The following TAS2R1 variants were observed in gnomAD, a reference collection of about 807,000 sequenced individuals.
TAS2R1 encodes taste receptor type 2 member 1.
For synonymous variants in TAS2R1, 141 were observed against 134.2 expected (o/e 1.05, Z -0.35); for missense variants, 370 against 353.4 (o/e 1.05, Z -0.38).
At chr5:9,689,857 CTCAGTAGT>C (rs1004320307) in intron 1 of TAS2R1, among the ~76,000 whole-genome samples, 29 of 152,246 alleles carry the variant, frequency 1.9e-4, no homozygotes, top group African/African-American at 6.5e-4. Flanking sequence ...TCTCTTTATT[CTCAGTAGT>C]TCACATATCC....
the TAS2R1 span, among the ~76,000 whole-genome samples, chr5:9,829,770 T>G: frequency 1.3e-5 from 2 of 151,986 alleles, no homozygotes; most frequent in Non-Finnish European, 2.9e-5. Flanking sequence ...CAGAGGAGCA[T>G]TCCTCCAGAG....
At chr5:9,655,978 T>C (rs1240582486) in intron 2 of TAS2R1, among the ~76,000 whole-genome samples, 1 of 152,114 alleles carries the variant, frequency 6.6e-6, no homozygotes, top group Non-Finnish European at 1.5e-5. Context: ...CTCAGGTAGC[T>C]TCCCCTGACT....
In TAS2R1 at chr5:9,654,278, T is replaced by G. The variant is rs544831922; in HGVS notation, c.-81+5143A>C. ...ACCTAGTGCTTTTTTAAAATAATAA[T>G]AATAAGAAGAAGAATAAGAATATTT... On this transcript the variant is annotated intron_variant, in intron 2 of 2. Transcript: ENST00000506620. 5.9e-4 allele frequency among the ~76,000 whole-genome samples: 90 copies of G among 152,224 alleles called. 1 individual carries two copies. The highest frequency in any genetic ancestry group is 1.9e-3 in the South Asian group (9 of 4,826).
At chr5:9,880,006 A>G in the TAS2R1 span, among the ~76,000 whole-genome samples, 3 of 152,176 alleles carry the variant, frequency 2.0e-5, no homozygotes, top group South Asian at 2.1e-4. Context: ...TATCAGCAAT[A>G]AAGACAAGGT....
At chr5:9,707,800 G>A (rs1357572775) in intron 1 of TAS2R1, among the ~76,000 whole-genome samples, 3 of 152,086 alleles carry the variant, frequency 2.0e-5, no homozygotes, top group African/African-American at 4.8e-5. Flanking sequence ...AGGGAGGGAG[G>A]TGGTGCGAAA....
chr5:9,864,091 ACTT>A, the TAS2R1 span, among the ~76,000 whole-genome samples: 2 of 152,220 alleles, frequency 1.3e-5, no homozygotes, highest in South Asian at 4.1e-4. Context: ...AAGAATGGCT[ACTT>A]CTTCTGGGGT....
the TAS2R1 span, among the ~76,000 whole-genome samples, chr5:9,779,597 T>A: frequency 6.6e-6 from 1 of 152,146 alleles, no homozygotes; most frequent in Non-Finnish European, 1.5e-5. Flanking sequence ...AGTGGAGAAA[T>A]CAGAACACAC....
At chr5:9,861,037 GTT>G in the TAS2R1 span, among the ~76,000 whole-genome samples, 4 of 88,618 alleles carry the variant, frequency 4.5e-5, no homozygotes, top group African/African-American at 8.5e-5. Context: ...GGAAGATGAG[GTT>G]TTTTTTTTTT....
At chr5:9,719,946 A>G in the TAS2R1 span, among the ~76,000 whole-genome samples, 1 of 144,586 alleles carries the variant, frequency 6.9e-6, no homozygotes, top group African/African-American at 2.8e-5. Flanking sequence ...AAACAAAAAC[A>G]AAAACAAACT....
chr5:9,725,549 T>TC, the TAS2R1 span, among the ~76,000 whole-genome samples: 2 of 152,178 alleles, frequency 1.3e-5, no homozygotes, highest in Non-Finnish European at 2.9e-5. Flanking sequence ...CTTAGCTGCC[T>TC]CCCCACGGGG....
At chr5:9,655,756 TAA>T (rs1187596660) in intron 2 of TAS2R1, among the ~76,000 whole-genome samples, 2 of 151,672 alleles carry the variant, frequency 1.3e-5, no homozygotes, top group East Asian at 3.9e-4. Context: ...ATAAGTGTCT[TAA>T]AGTGTCTAGA....
At chr5:9,787,388 A>AT in the TAS2R1 span, among the ~76,000 whole-genome samples, 3 of 152,098 alleles carry the variant, frequency 2.0e-5, no homozygotes, top group African/African-American at 7.2e-5. Flanking sequence ...ATGTGTCTCC[A>AT]TTTTTTCTTT....
intron 1 of TAS2R1, among the ~76,000 whole-genome samples, chr5:9,664,722 TC>T (rs1740598877): frequency 6.6e-6 from 1 of 152,118 alleles, no homozygotes; most frequent in African/African-American, 2.4e-5. Flanking sequence ...CTCAGCCTAT[TC>T]CTTGAAGTTC....
chr5:9,787,208 AT>A, the TAS2R1 span, among the ~76,000 whole-genome samples: 6 of 152,214 alleles, frequency 3.9e-5, no homozygotes, highest in Admixed American at 6.5e-5. Context: ...ATTAGGAAGT[AT>A]GTATCAGCTT....
At chr5:9,822,314 T>G in the TAS2R1 span, among the ~76,000 whole-genome samples, 2 of 152,182 alleles carry the variant, frequency 1.3e-5, no homozygotes, top group East Asian at 3.9e-4. Flanking sequence ...TTTGTTCTTT[T>G]CTTTCATAAT....
chr5:9,753,820 C>G, the TAS2R1 span, among the ~76,000 whole-genome samples: 1 of 152,160 alleles, frequency 6.6e-6, no homozygotes, highest in African/African-American at 2.4e-5. Context: ...TTCTCCATTT[C>G]TTGTTTTTGT....
chr5:9,892,784 T>C, the TAS2R1 span, among the ~76,000 whole-genome samples: 1 of 152,196 alleles, frequency 6.6e-6, no homozygotes, highest in African/African-American at 2.4e-5. Flanking sequence ...AAGCAGGCTA[T>C]GAGTCAAGTA....
At chr5:9,794,198 A>G in the TAS2R1 span, among the ~76,000 whole-genome samples, 69 of 152,256 alleles carry the variant, frequency 4.5e-4, no homozygotes, top group African/African-American at 1.6e-3. Flanking sequence ...GGGTTTTAAA[A>G]TTTTTTAGTT....
intron 1 of TAS2R1, among the ~76,000 whole-genome samples, chr5:9,700,732 C>T (rs1187835001): frequency 6.6e-6 from 1 of 152,028 alleles, no homozygotes; most frequent in African/African-American, 2.4e-5. Context: ...TCTGTTTTCT[C>T]TGTGGACTCT....
Sources: gnomAD v4.1 joint callset for allele counts (sites outside exome capture counted in the v4.1 genomes callset) on GRCh38, gnomAD v4.1.1 for gene constraint, MANE v1.5 for transcripts, NCBI Gene and HGNC (gene_info 2026-07-23, HGNC 2026-07-21) for gene names.